Variants in XKR9 observed in about 807,000 individuals in gnomAD.
XKR9 encodes the protein XK-related protein 9.
A neutral mutation model predicts 32.0 loss-of-function variants in XKR9; 32 were observed. The observed-to-expected ratio is 1.00, with a 90% CI of 0.76 to 1.34. The LOEUF is 1.34. XKR9 is among the 40% of genes most tolerant of loss of function. XKR9 has a pLI of 0.00. For synonymous variants in XKR9, 168 were observed against 143.4 expected (o/e 1.17, Z -1.22); for missense variants, 546 against 429.7 (o/e 1.27, Z -2.39).
chr8:70,729,128 C>T (rs1389251312), intron 4 of XKR9, among the ~76,000 whole-genome samples: 1 of 152,148 alleles, frequency 6.6e-6, no homozygotes, highest in Non-Finnish European at 1.5e-5. Context: ...CCAGTCAAAG[C>T]CTTGGTAAAA....
At chr8:70,762,447 G>A (rs1807321586) in intron 2 of XKR9, among the ~76,000 whole-genome samples, 1 of 152,116 alleles carries the variant, frequency 6.6e-6, no homozygotes. Flanking sequence ...TGTCCCATAA[G>A]CCACAGCATT....
At chr8:70,693,519 A>G (rs1805151548) in intron 3 of XKR9, among the ~76,000 whole-genome samples, 1 of 152,130 alleles carries the variant, frequency 6.6e-6, no homozygotes, top group Non-Finnish European at 1.5e-5. Context: ...CACTCCTGGG[A>G]TGCCCACTGC....
At chr8:70,854,052 A>G in the XKR9 span, among the ~76,000 whole-genome samples, 1 of 152,082 alleles carries the variant, frequency 6.6e-6, no homozygotes, top group African/African-American at 2.4e-5. Context: ...CAGTAATGGG[A>G]TTGCTGGGTC....
chr8:70,979,103 T>C, the XKR9 span, among the ~76,000 whole-genome samples: 1 of 152,186 alleles, frequency 6.6e-6, no homozygotes, highest in Non-Finnish European at 1.5e-5. Context: ...TTTAAGGTCT[T>C]CTCTACACTG....
At chr8:70,848,836 A>C in the XKR9 span, among the ~76,000 whole-genome samples, 1 of 152,006 alleles carries the variant, frequency 6.6e-6, no homozygotes, top group Non-Finnish European at 1.5e-5. Context: ...ACCAACAAAA[A>C]CCAAAAAACA....
intron 2 of XKR9, among the ~76,000 whole-genome samples, chr8:70,741,349 A>G (rs575429779): frequency 2.1e-4 from 32 of 152,224 alleles, no homozygotes; most frequent in Non-Finnish European, 3.4e-4. Flanking sequence ...TAGAGCAAAG[A>G]GGCCCTCATC....
downstream of XKR9, among the ~76,000 whole-genome samples, chr8:70,739,121 C>T (rs1806917404): frequency 6.6e-6 from 1 of 152,018 alleles, no homozygotes; most frequent in Non-Finnish European, 1.5e-5. Context: ...TTGTAGGTCA[C>T]TCAGGACTTG....
intron 4 of XKR9, among the ~76,000 whole-genome samples, chr8:70,720,945 T>C (rs1806258421): frequency 6.6e-6 from 1 of 152,218 alleles, no homozygotes; most frequent in African/African-American, 2.4e-5. Context: ...TTTGTTCGGT[T>C]GGTAGGCTCT....
At chr8:70,688,651 C>T (rs1370135990) in intron 3 of XKR9, among the ~76,000 whole-genome samples, 1 of 151,336 alleles carries the variant, frequency 6.6e-6, no homozygotes, top group Non-Finnish European at 1.5e-5. Context: ...CTCCTGACCT[C>T]GTGAGCCGCC....
At chr8:70,927,176 A>G in the XKR9 span, among the ~76,000 whole-genome samples, 3 of 152,010 alleles carry the variant, frequency 2.0e-5, no homozygotes, top group African/African-American at 7.2e-5. Context: ...ACAGTAAGCT[A>G]AAAACAAGAT....
the XKR9 span, among the ~76,000 whole-genome samples, chr8:70,913,407 A>T: frequency 2.6e-5 from 4 of 152,202 alleles, no homozygotes; most frequent in Non-Finnish European, 5.9e-5. Flanking sequence ...GAAAGGTACC[A>T]GTGAAGCATT....
At chr8:70,686,366 A>C (rs1231968748) in intron 3 of XKR9, among the ~76,000 whole-genome samples, 1 of 150,484 alleles carries the variant, frequency 6.6e-6, no homozygotes, top group African/African-American at 2.5e-5. Context: ...CTTCAGCCCC[A>C]CAAGTAGCTG....
the XKR9 span, among the ~76,000 whole-genome samples, chr8:71,032,308 A>AAAAAC: frequency 7.1e-6 from 1 of 141,128 alleles, no homozygotes; most frequent in African/African-American, 2.6e-5. Context: ...AAAAAAAAAA[A>AAAAAC]CCACTTTGGA....
At chr8:70,701,284 A>T (rs1805524947) in intron 3 of XKR9, among the ~76,000 whole-genome samples, 1 of 152,052 alleles carries the variant, frequency 6.6e-6, no homozygotes, top group African/African-American at 2.4e-5. Context: ...TGCGTCACTC[A>T]CGCTGGGAGC....
chr8:70,774,807 A>G (rs944862546), intron 2 of XKR9, among the ~76,000 whole-genome samples: 1 of 152,182 alleles, frequency 6.6e-6, no homozygotes, highest in African/African-American at 2.4e-5. Context: ...AAATATTCAA[A>G]TAAATATTGC....
At chr8:70,771,046 G>A (rs1274736593) in intron 2 of XKR9, among the ~76,000 whole-genome samples, 1 of 152,166 alleles carries the variant, frequency 6.6e-6, no homozygotes, top group African/African-American at 2.4e-5. Context: ...GGTGGTGTAG[G>A]CACCTGAGGG....
At chr8:70,724,024 G>C (rs1806372128) in intron 4 of XKR9, among the ~76,000 whole-genome samples, 1 of 151,942 alleles carries the variant, frequency 6.6e-6, no homozygotes, top group East Asian at 1.9e-4. Context: ...CAGGGAGATG[G>C]GAATTTTATC....
At chr8:70,773,212 G>C (rs1046922171) in intron 2 of XKR9, among the ~76,000 whole-genome samples, 1 of 152,082 alleles carries the variant, frequency 6.6e-6, no homozygotes, top group African/African-American at 2.4e-5. Context: ...TGTCTTTGAG[G>C]GATTTTTAGT....
chr8:70,938,964 G>A, the XKR9 span, among the ~76,000 whole-genome samples: 1 of 140,800 alleles, frequency 7.1e-6, no homozygotes, highest in Non-Finnish European at 1.5e-5. Context: ...TTTAGGTTTA[G>A]AGGTGGGCTT....
Sources: gnomAD v4.1 joint callset for allele counts (sites outside exome capture counted in the v4.1 genomes callset) on GRCh38, gnomAD v4.1.1 for gene constraint, MANE v1.5 for transcripts, NCBI Gene and HGNC (gene_info 2026-07-23, HGNC 2026-07-21) for gene names.